The following NRXN3 variants were observed in gnomAD, a reference collection of about 807,000 sequenced individuals.
NRXN3 encodes neurexin 3, also known as neurexin III.
Under a neutral mutation model 137.6 loss-of-function variants are expected in NRXN3, and 32 were observed. That is an observed-to-expected ratio of 0.23 (90% CI 0.18 to 0.31). The LOEUF is 0.31. NRXN3 is among the 10% of genes least tolerant of loss of function. NRXN3 has a pLI of 1.00. For missense variants in NRXN3, 1,574 were observed against 2,062.5 expected, an observed-to-expected ratio of 0.76 and a Z score of 4.59; for synonymous variants, 798 against 784.5, an observed-to-expected ratio of 1.02 and a Z score of -0.29.
intron 4 of NRXN3, among the ~76,000 whole-genome samples, chr14:78,496,280 G>A (rs547237921): frequency 3.3e-4 from 50 of 152,246 alleles, no homozygotes; most frequent in Non-Finnish European, 1.5e-5. Flanking sequence ...AAAAAATAAA[G>A]GTCAGCCTAC....
intron 6 of NRXN3, among the ~76,000 whole-genome samples, chr14:78,707,852 G>C (rs189079975): frequency 6.6e-6 from 1 of 152,216 alleles, no homozygotes; most frequent in South Asian, 2.1e-4. Flanking sequence ...ATAGTTTCCA[G>C]TCTTATCCAG....
At chr14:78,765,737 A>G (rs2098706802) in intron 8 of NRXN3, among the ~76,000 whole-genome samples, 1 of 152,020 alleles carries the variant, frequency 6.6e-6, no homozygotes, top group Admixed American at 6.6e-5. Context: ...ATATATATAT[A>G]TACACACACA....
intron 4 of NRXN3, among the ~76,000 whole-genome samples, chr14:78,372,137 A>G (rs1265123351): frequency 1.3e-5 from 2 of 149,994 alleles, no homozygotes; most frequent in African/African-American, 4.9e-5. Flanking sequence ...GGATATCCAC[A>G]TTTTATTGTT....
intron 8 of NRXN3, among the ~76,000 whole-genome samples, chr14:78,780,060 C>T (rs568818771): frequency 1.4e-4 from 21 of 152,130 alleles, no homozygotes; most frequent in Non-Finnish European, 2.4e-4. Flanking sequence ...GACATCAAGG[C>T]ATGTTTTATC....
At chr14:79,511,306 C>T (rs757397322) in intron 16 of NRXN3, among the ~76,000 whole-genome samples, 1 of 152,146 alleles carries the variant, frequency 6.6e-6, no homozygotes, top group African/African-American at 2.4e-5. Flanking sequence ...GAGATATAAA[C>T]AAAGGCCCAG....
chr14:78,388,753 A>T (rs1231620171), intron 4 of NRXN3, among the ~76,000 whole-genome samples: 4 of 152,194 alleles, frequency 2.6e-5, no homozygotes, highest in African/African-American at 9.6e-5. Context: ...GTAAAAAAGG[A>T]TTAATCTAGA....
At chr14:78,978,349 C>A (rs1475460756) in intron 14 of NRXN3, among the ~76,000 whole-genome samples, 1 of 152,124 alleles carries the variant, frequency 6.6e-6, no homozygotes, top group Non-Finnish European at 1.5e-5. Flanking sequence ...TATTCTCTGG[C>A]ATTGCCTTAT....
chr14:79,173,676 CAAATTA>C (rs2062016721), intron 15 of NRXN3, among the ~76,000 whole-genome samples: 1 of 151,808 alleles, frequency 6.6e-6, no homozygotes, highest in African/African-American at 2.4e-5. Flanking sequence ...GTGGCTTGGA[CAAATTA>C]GGTGTCTTAA....
chr14:79,272,287 C>T (rs112369388), intron 15 of NRXN3, among the ~76,000 whole-genome samples: 1 of 149,654 alleles, frequency 6.7e-6, no homozygotes, highest in Non-Finnish European at 1.5e-5. Context: ...ATTATTTGAC[C>T]TGCTGGACTT....
intron 16 of NRXN3, among the ~76,000 whole-genome samples, chr14:79,533,750 C>A (rs950815545): frequency 2.0e-5 from 3 of 152,108 alleles, no homozygotes; most frequent in African/African-American, 7.2e-5. Flanking sequence ...ATAATAATCA[C>A]AATTATTGAT....
rs778543510 is a variant in NRXN3, at chr14:79,863,209, C to T, written c.*1245C>T. The T allele has an allele frequency of 6.6e-6, 1 of 152,474 alleles. No homozygotes were observed. Among genetic ancestry groups the T allele is most frequent in the Non-Finnish European group, 1.5e-5 (1 of 68,014 alleles). 9.4% of individuals were successfully genotyped at this position (152,474 alleles called of 1,614,324 possible). ...TGTAGCCTGACATTTATGGATAACT[C>T]TGTCCTTCCATTTGCTCACTTCTCT... On this transcript the variant is annotated 3_prime_UTR_variant, in exon 21 of 21. Coordinates refer to ENST00000335750, the MANE Select transcript of NRXN3 (RefSeq NM_001330195.2).
At chr14:78,221,837 T>C (rs1347743973) in intron 1 of NRXN3, among the ~76,000 whole-genome samples, 3 of 152,218 alleles carry the variant, frequency 2.0e-5, no homozygotes, top group Admixed American at 6.5e-5. Flanking sequence ...TTCAAACTTT[T>C]GGTCATGTCA....
intron 4 of NRXN3, among the ~76,000 whole-genome samples, chr14:78,533,498 C>G (rs1418496655): frequency 1.3e-5 from 2 of 152,148 alleles, no homozygotes. Flanking sequence ...CTGTATAAGG[C>G]TGTCCACGAT....
intron 10 of NRXN3, among the ~76,000 whole-genome samples, chr14:78,911,494 T>C (rs1255736722): frequency 6.6e-6 from 1 of 152,210 alleles, no homozygotes; most frequent in Non-Finnish European, 1.5e-5. Context: ...TTTAGTCATA[T>C]TGTCAATGAG....
chr14:79,075,544 C>G (rs1229868547), intron 15 of NRXN3, among the ~76,000 whole-genome samples: 4 of 152,116 alleles, frequency 2.6e-5, no homozygotes, highest in Non-Finnish European at 5.9e-5. Context: ...TTATTACTGT[C>G]CTTCCTTTTC....
chr14:78,484,729 G>T (rs6574450), intron 4 of NRXN3, among the ~76,000 whole-genome samples: 151,750 of 152,274 alleles, frequency 1, 75,617 homozygotes, highest in Middle Eastern at 1. Flanking sequence ...CAGTGATCTG[G>T]TGTGTACTTC....
At chr14:78,492,417 T>C (rs536048196) in intron 4 of NRXN3, among the ~76,000 whole-genome samples, 16 of 152,336 alleles carry the variant, frequency 1.1e-4, no homozygotes, top group Admixed American at 2.6e-4. Flanking sequence ...GTGTGAAAAT[T>C]AAATAAGATC....
chr14:78,391,839 T>C (rs1224561856), intron 4 of NRXN3, among the ~76,000 whole-genome samples: 1 of 152,182 alleles, frequency 6.6e-6, no homozygotes, highest in Non-Finnish European at 1.5e-5. Flanking sequence ...TAAAGAACTA[T>C]TTTCACAACA....
At chr14:79,802,464 A>G (rs1353985292) in intron 19 of NRXN3, among the ~76,000 whole-genome samples, 1 of 152,088 alleles carries the variant, frequency 6.6e-6, no homozygotes, top group Non-Finnish European at 1.5e-5. Context: ...GATATACTAC[A>G]TATTCATTTA....
Sources: allele counts gnomAD v4.1 joint callset (sites outside exome capture counted in the v4.1 genomes callset), GRCh38; gene constraint gnomAD v4.1.1; transcripts MANE v1.5; gene names NCBI Gene and HGNC (gene_info 2026-07-23, HGNC 2026-07-21).